Variants in PRKG1 observed in about 807,000 individuals in gnomAD.
PRKG1 encodes protein kinase cGMP-dependent 1.
Under a neutral mutation model 88.1 loss-of-function variants are expected in PRKG1, and 35 were observed. That is an observed-to-expected ratio of 0.40 (90% CI 0.30 to 0.53). PRKG1 has a LOEUF of 0.53. PRKG1 is among the 20% of genes least tolerant of loss of function. PRKG1 has a pLI of 0.59. For synonymous variants in PRKG1, 303 were observed against 292.5 expected (o/e 1.04, Z -0.37); for missense variants, 540 against 839.8 (o/e 0.64, Z 4.41).
At chr10:52,193,277 G>A (rs1423860265) in intron 9 of PRKG1, among the ~76,000 whole-genome samples, 1 of 152,164 alleles carries the variant, frequency 6.6e-6, no homozygotes, top group South Asian at 2.1e-4. Flanking sequence ...GGGCGCAGTG[G>A]TTCATGCCTG....
At chr10:52,105,354 T>A (rs1313469468) in intron 7 of PRKG1, among the ~76,000 whole-genome samples, 1 of 152,204 alleles carries the variant, frequency 6.6e-6, no homozygotes, top group African/African-American at 2.4e-5. Context: ...TGTAAACACA[T>A]CTCCAAGAAG....
intron 3 of PRKG1, among the ~76,000 whole-genome samples, chr10:51,732,795 A>G (rs1375457781): frequency 1.3e-5 from 2 of 152,178 alleles, no homozygotes; most frequent in African/African-American, 4.8e-5. Context: ...ATCTCACCTT[A>G]ATAAAAATTA....
At chr10:51,690,926 CAAAAAA>C (rs942329676) in intron 3 of PRKG1, among the ~76,000 whole-genome samples, 1 of 37,726 alleles carries the variant, frequency 2.7e-5, no homozygotes, top group African/African-American at 8.1e-5. Context: ...GACTCTGTCT[CAAAAAA>C]AAAAAAAAAA....
intron 2 of PRKG1, among the ~76,000 whole-genome samples, chr10:51,200,139 GA>G (rs1465721296): frequency 2.6e-5 from 4 of 152,154 alleles, no homozygotes; most frequent in African/African-American, 4.8e-5. Context: ...AAAAATACGG[GA>G]AAAAGCATAC....
At chr10:52,048,517 C>A (rs574037637) in intron 5 of PRKG1, among the ~76,000 whole-genome samples, 1 of 152,088 alleles carries the variant, frequency 6.6e-6, no homozygotes, top group African/African-American at 2.4e-5. Context: ...CAAGGAGTCA[C>A]CATCAAGGCC....
chr10:51,162,883 AT>A (rs1373453947), intron 2 of PRKG1, among the ~76,000 whole-genome samples: 2 of 151,788 alleles, frequency 1.3e-5, no homozygotes, highest in Non-Finnish European at 2.9e-5. Context: ...ATACCCATCT[AT>A]TTTTTTGGAT....
intron 7 of PRKG1, chr10:52,125,585 A>C (rs922394395): frequency 6.6e-6 from 1 of 152,094 alleles, no homozygotes; most frequent in African/African-American, 2.4e-5. Context: ...CAATTGGAAC[A>C]CGTTTCTGTT....
intron 1 of PRKG1, among the ~76,000 whole-genome samples, chr10:51,041,964 G>T (rs928680177): frequency 6.6e-6 from 1 of 152,116 alleles, no homozygotes; most frequent in Non-Finnish European, 1.5e-5. Flanking sequence ...CAGTAAAAGA[G>T]GACAGGGAGC....
chr10:51,987,010 C>T (rs1844176868), intron 5 of PRKG1, among the ~76,000 whole-genome samples: 2 of 152,022 alleles, frequency 1.3e-5, no homozygotes, highest in South Asian at 4.2e-4. Flanking sequence ...ATGATTAACA[C>T]TTAGGTCTAA....
At chr10:51,898,967 TGA>T (rs2132927518) in intron 4 of PRKG1, among the ~76,000 whole-genome samples, 1 of 152,226 alleles carries the variant, frequency 6.6e-6, no homozygotes, top group African/African-American at 2.4e-5. Flanking sequence ...AAGAAAGTAG[TGA>T]GAGAGAAAAA....
At chr10:51,565,330 T>C (rs7342143) in intron 3 of PRKG1, among the ~76,000 whole-genome samples, 1 of 151,938 alleles carries the variant, frequency 6.6e-6, no homozygotes, top group Non-Finnish European at 1.5e-5. Flanking sequence ...CTGATGAGCA[T>C]ATACCCCTCT....
chr10:51,665,653 TG>T (rs1324703361), intron 3 of PRKG1, among the ~76,000 whole-genome samples: 33 of 152,176 alleles, frequency 2.2e-4, no homozygotes, highest in Middle Eastern at 3.2e-3. Flanking sequence ...GTTTTTGAAA[TG>T]TTGTTTCAAC....
intron 4 of PRKG1, among the ~76,000 whole-genome samples, chr10:51,887,034 C>T (rs774158703): frequency 6.6e-6 from 1 of 152,128 alleles, no homozygotes; most frequent in Non-Finnish European, 1.5e-5. Flanking sequence ...TCACCCAGGT[C>T]GGAGTGCAGT....
chr10:51,940,285 C>T (rs1842879204), intron 5 of PRKG1, among the ~76,000 whole-genome samples: 2 of 151,740 alleles, frequency 1.3e-5, no homozygotes, highest in African/African-American at 4.9e-5. Context: ...GATCAGCTTT[C>T]TACTGATAAT....
chr10:51,664,811 T>C (rs1328645900), intron 3 of PRKG1, among the ~76,000 whole-genome samples: 1 of 152,162 alleles, frequency 6.6e-6, no homozygotes, highest in Non-Finnish European at 1.5e-5. Context: ...ATGAAGAAGA[T>C]AGTACCTAAT....
intron 2 of PRKG1, among the ~76,000 whole-genome samples, chr10:51,425,073 G>A (rs534863808): frequency 2.9e-4 from 44 of 151,740 alleles, no homozygotes; most frequent in African/African-American, 9.2e-4. Context: ...CCCCTGCTAC[G>A]TATCAGGTAT....
At chr10:52,052,234 C>T (rs953584601) in intron 5 of PRKG1, among the ~76,000 whole-genome samples, 1 of 151,868 alleles carries the variant, frequency 6.6e-6, no homozygotes, top group African/African-American at 2.4e-5. Context: ...CCCTATTCAT[C>T]TTTGTGTTAT....
chr10:52,103,310 T>C (rs1253122178), intron 7 of PRKG1, among the ~76,000 whole-genome samples: 1 of 152,050 alleles, frequency 6.6e-6, no homozygotes, highest in Non-Finnish European at 1.5e-5. Context: ...TGTATTTCCA[T>C]AAAGTTACAC....
At chr10:51,518,977 C>A (rs562592764) in intron 3 of PRKG1, among the ~76,000 whole-genome samples, 4 of 152,084 alleles carry the variant, frequency 2.6e-5, no homozygotes, top group Non-Finnish European at 4.4e-5. Flanking sequence ...TAAGTTAGAG[C>A]CTTTATGTGA....
Sources: allele counts gnomAD v4.1 joint callset (sites outside exome capture counted in the v4.1 genomes callset), GRCh38; gene constraint gnomAD v4.1.1; transcripts MANE v1.5; gene names NCBI Gene and HGNC (gene_info 2026-07-23, HGNC 2026-07-21).